The following DAP3 variants were observed in gnomAD, a reference collection of about 807,000 sequenced individuals.
DAP3 encodes the protein small ribosomal subunit protein mS29.
Under a neutral mutation model 51.9 loss-of-function variants are expected in DAP3, and 28 were observed. The ratio of observed to expected loss-of-function variants is 0.54; its 90% CI spans 0.40 to 0.74. DAP3 has a LOEUF of 0.74. DAP3 is among the 30% of genes least tolerant of loss of function. The pLI is 0.00. For synonymous variants in DAP3, 170 were observed against 170.3 expected (o/e 1.00, Z 0.01); for missense variants, 458 against 483.5 (o/e 0.95, Z 0.49).
chr1:155,717,184 C>T (rs754610183), intron 3 of DAP3, 56 bp downstream of exon 3: 625 of 1,581,488 alleles, frequency 4.0e-4, no homozygotes, highest in Non-Finnish European at 5.1e-4. Flanking sequence ...GTGTTCCTGT[C>T]CTCATTTTGC....
Position 155,725,912 on chromosome 1 carries a change from C to G in DAP3, c.380-15C>G. 6.2e-7 allele frequency: 1 copy of G among 1,608,138 alleles called. No individual in the cohort carries two copies. Among genetic ancestry groups the G allele is most frequent in the Non-Finnish European group, 8.5e-7 (1 of 1,175,250 alleles). On this transcript the variant is annotated splice_polypyrimidine_tract_variant and intron_variant, in intron 5 of 12. Coordinates refer to ENST00000368336, the MANE Select transcript of DAP3 (RefSeq NM_004632.4). ...ATCCTTCCAGTCATGTTTTCTTTAA[C>G]AACATATACTTTAGATGGAGAGAAG...
intron 11 of DAP3, among the ~76,000 whole-genome samples, chr1:155,736,061 G>T (rs1659753398): frequency 1.3e-5 from 2 of 151,280 alleles, no homozygotes; most frequent in South Asian, 4.2e-4. Flanking sequence ...GGCAGGTCTT[G>T]AACTCCTGAC....
upstream of DAP3, chr1:155,687,999 C>T: frequency 1.4e-6 from 2 of 1,479,884 alleles, no homozygotes; most frequent in Non-Finnish European, 9.1e-7. Context: ...GACAGTGGCT[C>T]CCAGAAAGCC....
Position 155,731,591 on chromosome 1 carries a change from T to C in DAP3, c.903+176T>C, listed in dbSNP as rs536495414. The C allele has an allele frequency of 2.7e-5, 17 of 638,766 alleles. 1 individual carries two copies. In the South Asian group the frequency reaches 3.8e-4, roughly 14 times the overall value. The allele number at this position is 638,766 out of a possible 1,614,324, so 39.6% of individuals were successfully genotyped here. On this transcript the variant is annotated intron_variant, in intron 10 of 12. Transcript: ENST00000368336. ...TAGAAATAAAGTCTGAATTAAAATCTATATATATGTGGTTTATAATCTTTC... is the reference window on the plus strand; with the variant it reads ...TAGAAATAAAGTCTGAATTAAAATCCATATATATGTGGTTTATAATCTTTC...
At chr1:155,725,147 G>A (rs1571538046) in intron 4 of DAP3, among the ~76,000 whole-genome samples, 3 of 152,170 alleles carry the variant, frequency 2.0e-5, no homozygotes, top group South Asian at 2.1e-4. Context: ...TCAGTAATAG[G>A]AATAATCAAA....
At chr1:155,689,548 G>C (rs1338781959) in intron 1 of DAP3, 1 of 388,264 alleles carries the variant, frequency 2.6e-6, no homozygotes, top group African/African-American at 2.1e-5. Flanking sequence ...AGTTATTTTT[G>C]TTAGTTCCTT....
At chr1:155,735,180 C>G (rs1307614055) in intron 11 of DAP3, among the ~76,000 whole-genome samples, 1 of 151,138 alleles carries the variant, frequency 6.6e-6, no homozygotes, top group East Asian at 1.9e-4. Context: ...ACTCCGAAGG[C>G]TGAGGTGGGA....
At chr1:155,725,583 C>A in intron 5 of DAP3, 93 bp downstream of exon 5, 1 of 1,219,714 alleles carries the variant, frequency 8.2e-7, no homozygotes, top group Non-Finnish European at 1.2e-6. Context: ...ACTGTTGAGG[C>A]CGGGCATGGT....
At chr1:155,737,858 G>A (rs1204061091) in intron 12 of DAP3, among the ~76,000 whole-genome samples, 1 of 152,172 alleles carries the variant, frequency 6.6e-6, no homozygotes, top group Non-Finnish European at 1.5e-5. Context: ...AAGTTGGGAT[G>A]CACAATAGAC....
chr1:155,730,186 T>C (rs966838867), intron 9 of DAP3, among the ~76,000 whole-genome samples: 39 of 147,956 alleles, frequency 2.6e-4, no homozygotes, highest in Non-Finnish European at 5.5e-4. Flanking sequence ...TATATGTATA[T>C]ATAATATTCA....
At chr1:155,709,724 CT>C in intron 1 of DAP3, 48 bp from the exon 2 acceptor site, 2 of 1,552,216 alleles carry the variant, frequency 1.3e-6, no homozygotes, top group Non-Finnish European at 8.8e-7. Context: ...TTGCACACAT[CT>C]TTTCCCATTT....
chr1:155,705,342 A>G (rs1229324828), intron 1 of DAP3, among the ~76,000 whole-genome samples: 1 of 151,616 alleles, frequency 6.6e-6, no homozygotes, highest in Non-Finnish European at 1.5e-5. Flanking sequence ...CACACCTGTA[A>G]TCCCAGCACT....
intron 2 of DAP3, among the ~76,000 whole-genome samples, chr1:155,715,154 G>T (rs563551914): frequency 1.3e-5 from 2 of 149,362 alleles, no homozygotes; most frequent in South Asian, 2.1e-4. Flanking sequence ...AGAGAGCCAA[G>T]ATTGTGCCAC....
intron 1 of DAP3, among the ~76,000 whole-genome samples, chr1:155,706,920 C>T (rs1656061442): frequency 6.6e-6 from 1 of 151,918 alleles, no homozygotes; most frequent in East Asian, 1.9e-4. Context: ...TGGTGAAACC[C>T]TGTCTCTACT....
At chr1:155,695,558 C>T (rs1037511328) in intron 1 of DAP3, among the ~76,000 whole-genome samples, 1 of 152,018 alleles carries the variant, frequency 6.6e-6, no homozygotes, top group Non-Finnish European at 1.5e-5. Flanking sequence ...GGTATGTGCT[C>T]GGATATGAGT....
At chr1:155,726,459 T>C (rs999214262) in intron 6 of DAP3, among the ~76,000 whole-genome samples, 1 of 151,788 alleles carries the variant, frequency 6.6e-6, no homozygotes, top group Admixed American at 6.6e-5. Flanking sequence ...CGGCTAATTT[T>C]TTTTGTATTT....
chr1:155,725,840 A>C, intron 5 of DAP3, 87 bp from the exon 6 acceptor site: 2 of 1,293,902 alleles, frequency 1.5e-6, no homozygotes, highest in South Asian at 2.6e-5. Context: ...CTCCAACCCC[A>C]TCTCAAAAAA....
At chr1:155,689,210 G>C (rs1177951567) in intron 1 of DAP3, 36 bp downstream of exon 1, 20 of 703,762 alleles carry the variant, frequency 2.8e-5, no homozygotes, top group Non-Finnish European at 4.6e-5. Flanking sequence ...TTGTACCGCT[G>C]AGGGAAAGGA....
chr1:155,687,959 T>C (rs1450473313), upstream of DAP3: 72 of 1,242,492 alleles, frequency 5.8e-5, no homozygotes, highest in Non-Finnish European at 7.9e-5. Flanking sequence ...TCTTCACCAC[T>C]GCTCTCCCAG....
Sources: gnomAD v4.1 joint callset for allele counts (sites outside exome capture counted in the v4.1 genomes callset) on GRCh38, gnomAD v4.1.1 for gene constraint, MANE v1.5 for transcripts, NCBI Gene and HGNC (gene_info 2026-07-23, HGNC 2026-07-21) for gene names.